MORF4L1: variants seen among roughly 807,000 people sequenced by gnomAD.
MORF4L1 encodes the protein mortality factor 4-like protein 1.
In MORF4L1, 4 loss-of-function variants were observed where a neutral mutation model predicts 52.9. The ratio of observed to expected loss-of-function variants is 0.08; its 90% confidence interval spans 0.04 to 0.17. MORF4L1 has a LOEUF of 0.17. Among genes scored for constraint, MORF4L1 ranks in the 10% least tolerant of loss-of-function variants. The probability of loss-of-function intolerance (pLI) is 1.00; values close to 1 mark genes in which losing one functional copy is unlikely to be tolerated. For missense variants in MORF4L1, 214 were observed against 390.4 expected, an observed-to-expected ratio of 0.55 and a Z score of 3.81; for synonymous variants, 123 against 134.8, an observed-to-expected ratio of 0.91 and a Z score of 0.61.
Position 78,876,852 on chromosome 15 carries a change from AAAGTT to A in MORF4L1, c.41-1358_41-1354del, listed in dbSNP as rs567905976. 5.9e-5 allele frequency among the ~76,000 whole-genome samples: 9 copies of A among 152,302 alleles called. 1 individual carries two copies. In the East Asian group the frequency reaches 1.7e-3, roughly 29 times the overall value. On this transcript the variant is annotated intron_variant, in intron 1 of 11. Coordinates refer to ENST00000426013, the MANE Select transcript of MORF4L1 (RefSeq NM_006791.4). ...AGAATTATAGAACTGATTTAAAAAT[AAAGTT>A]AATAGGTCGTGCTCTGGGAGAGTCT... is the stretch of plus-strand genomic sequence containing the variant.
intron 6 of MORF4L1, 131 bp downstream of exon 6, chr15:78,891,145 T>C: frequency 1.8e-6 from 2 of 1,132,706 alleles, no homozygotes; most frequent in South Asian, 1.4e-5. Flanking sequence ...CTCACAGCAG[T>C]GTTATAAAAT....
At chr15:78,894,738 T>C in intron 10 of MORF4L1, 82 bp from the exon 11 acceptor site, 1 of 1,036,162 alleles carries the variant, frequency 9.7e-7, no homozygotes, top group Non-Finnish European at 1.5e-6. Context: ...GAATTGGTGG[T>C]GTTTGCTCAC....
chr15:78,893,909 C>A, intron 9 of MORF4L1, 149 bp from the exon 10 acceptor site: 3 of 739,086 alleles, frequency 4.1e-6, no homozygotes, highest in Non-Finnish European at 6.6e-6. Context: ...TTTAGTTTGT[C>A]AAACCCTGCT....
At chr15:78,889,659 A>C (rs1438677786) in intron 5 of MORF4L1, among the ~76,000 whole-genome samples, 1 of 152,222 alleles carries the variant, frequency 6.6e-6, no homozygotes, top group Non-Finnish European at 1.5e-5. Flanking sequence ...TTTGACCGAG[A>C]AATACAGTCC....
At chr15:78,881,715 T>C (rs547201219) in intron 3 of MORF4L1, among the ~76,000 whole-genome samples, 34 of 152,324 alleles carry the variant, frequency 2.2e-4, no homozygotes, top group African/African-American at 7.7e-4. Flanking sequence ...ATTTTTACTA[T>C]GGGAGGTTTT....
intron 1 of MORF4L1, 73 bp downstream of exon 1, chr15:78,873,130 T>C: frequency 6.5e-7 from 1 of 1,537,788 alleles, no homozygotes; most frequent in South Asian, 1.2e-5. Flanking sequence ...TGATTGAGGC[T>C]TGAGGGCCGG....
At chr15:78,885,755 C>G (rs1015201647) in intron 3 of MORF4L1, among the ~76,000 whole-genome samples, 4 of 152,176 alleles carry the variant, frequency 2.6e-5, no homozygotes, top group African/African-American at 9.7e-5. Context: ...TGTCATTACA[C>G]ACAGCTGGTT....
At chr15:78,893,966 G>T in intron 9 of MORF4L1, 92 bp from the exon 10 acceptor site, 1 of 1,269,018 alleles carries the variant, frequency 7.9e-7, no homozygotes. Context: ...ATTATTACTA[G>T]CTCAGCTTTT....
At chr15:78,880,651 A>G in intron 3 of MORF4L1, 72 bp downstream of exon 3, 2 of 1,164,842 alleles carry the variant, frequency 1.7e-6, no homozygotes, top group Admixed American at 2.3e-5. Context: ...CTTAGCAAGC[A>G]TATGCTTTTC....
At chr15:78,875,833 A>T (rs577305463) in intron 1 of MORF4L1, among the ~76,000 whole-genome samples, 68 of 152,294 alleles carry the variant, frequency 4.5e-4, no homozygotes, top group African/African-American at 1.6e-3. Flanking sequence ...ATATCTTGCA[A>T]GGGAAAAAGA....
At chr15:78,884,934 T>G in intron 3 of MORF4L1, 33 of 1,501,292 alleles carry the variant, frequency 2.2e-5, no homozygotes, top group Non-Finnish European at 2.8e-5. Context: ...ACCTGGTCAC[T>G]GAGATTACTT....
chr15:78,888,789 A>AT (rs57465510), intron 5 of MORF4L1, among the ~76,000 whole-genome samples: 19,666 of 151,460 alleles, frequency 0.13, 1,346 homozygotes, highest in East Asian at 0.26. Flanking sequence ...GAAGCTTTTT[A>AT]TTTTTTTTTA....
chr15:78,891,829 GTATT>G (rs1341457768), intron 7 of MORF4L1: 8 of 441,752 alleles, frequency 1.8e-5, no homozygotes, highest in East Asian at 1.1e-4. Context: ...TTGGTGTTAC[GTATT>G]TATTTTTAGG....
chr15:78,872,905 T>C lies in MORF4L1; in HGVS notation c.-113T>C, dbSNP rs2056392490. 2.0e-6 allele frequency: 3 copies of C among 1,477,404 alleles called. No homozygotes were observed. The highest frequency in any genetic ancestry group is 2.7e-5 in the South Asian group (2 of 75,078). 91.5% of individuals were successfully genotyped at this position (1,477,404 alleles called of 1,614,324 possible). A position where few individuals can be genotyped will look rare whatever the true frequency, so the allele number is the denominator to read the frequency against. On this transcript the variant is annotated 5_prime_UTR_variant, in exon 1 of 12. The change abolishes an upstream ATG in the 5' untranslated region. Coordinates refer to ENST00000426013, the MANE Select transcript of MORF4L1 (RefSeq NM_006791.4). ...GGGCGCTGGCAAATCCGGCCCAGGATGTAGAGCTGGCAGTGCCTGACGGCG... is the reference window on the plus strand; with the variant it reads ...GGGCGCTGGCAAATCCGGCCCAGGACGTAGAGCTGGCAGTGCCTGACGGCG...
chr15:78,895,272 C>T (rs2056868171), intron 11 of MORF4L1, among the ~76,000 whole-genome samples: 1 of 151,706 alleles, frequency 6.6e-6, no homozygotes, highest in African/African-American at 2.4e-5. Flanking sequence ...CTATAGTGTT[C>T]CATTTATGAT....
At chr15:78,896,477 A>C (rs1223474110) in intron 11 of MORF4L1, among the ~76,000 whole-genome samples, 1 of 151,480 alleles carries the variant, frequency 6.6e-6, no homozygotes, top group Non-Finnish European at 1.5e-5. Context: ...TGTCCAGCTA[A>C]TTTTGTGTCT....
intron 3 of MORF4L1, chr15:78,884,963 T>C (rs778735173): frequency 6.2e-7 from 1 of 1,611,220 alleles, no homozygotes; most frequent in Non-Finnish European, 8.5e-7. Flanking sequence ...GCTGTCTGTA[T>C]CAGAAGTGCT....
At chr15:78,883,280 G>T (rs560299173) in intron 3 of MORF4L1, among the ~76,000 whole-genome samples, 2 of 150,076 alleles carry the variant, frequency 1.3e-5, no homozygotes, top group Non-Finnish European at 3.0e-5. Context: ...ATAGAATAAA[G>T]AAGATATTTT....
rs746175512 is a variant in MORF4L1 at position 78,891,031 on chromosome 15, T to C, written c.349+17T>C. On this transcript the variant is annotated intron_variant, in intron 6 of 11. Coordinates refer to ENST00000426013, the MANE Select transcript of MORF4L1 (RefSeq NM_006791.4). The stretch of plus-strand genomic sequence containing the variant: ...AACAGAAAAGTAAGAATATTAACTT[T>C]CTTAACGTTAATTTATGTTACCTCT... The C allele has an allele frequency of 6.8e-6, 10 of 1,479,972 alleles. No individual in the cohort carries two copies. In the Admixed American group the frequency reaches 1.9e-4, roughly 28 times the overall value. The allele number at this position is 1,479,972 out of a possible 1,614,324, so 91.7% of individuals were successfully genotyped here. A position where few individuals can be genotyped will look rare whatever the true frequency, so the allele number is the denominator to read the frequency against.
Sources: allele counts gnomAD v4.1 joint callset (sites outside exome capture counted in the v4.1 genomes callset), GRCh38; gene constraint gnomAD v4.1.1; transcripts MANE v1.5; gene names NCBI Gene and HGNC (gene_info 2026-07-23, HGNC 2026-07-21).